The following CNOT10 variants were observed in gnomAD, a reference collection of about 807,000 sequenced individuals.
CNOT10 encodes the protein CCR4-NOT transcription complex, subunit 10.
CNOT10 carries 30 observed loss-of-function variants against 94.6 expected under a neutral mutation model. That is an observed-to-expected ratio of 0.32 (90% CI 0.24 to 0.43). The LOEUF (loss-of-function observed/expected upper bound fraction) is 0.43, where lower values mean the gene tolerates loss of function less well. CNOT10 is among the 20% of genes least tolerant of loss of function. The pLI, the probability that CNOT10 is intolerant of heterozygous loss-of-function variation, is 1.00. For missense variants in CNOT10, 759 were observed against 877.2 expected, an observed-to-expected ratio of 0.87 and a Z score of 1.70; for synonymous variants, 289 against 301.6, an observed-to-expected ratio of 0.96 and a Z score of 0.43.
At chr3:32,690,465 G>A (rs764946407) in intron 1 of CNOT10, among the ~76,000 whole-genome samples, 6 of 152,094 alleles carry the variant, frequency 3.9e-5, no homozygotes, top group Non-Finnish European at 5.9e-5. Flanking sequence ...GCTCACTGCA[G>A]CCATGAACTC....
At chr3:32,720,748 G>A (rs1033961255) in intron 8 of CNOT10, among the ~76,000 whole-genome samples, 6 of 151,982 alleles carry the variant, frequency 3.9e-5, no homozygotes, top group Non-Finnish European at 8.8e-5. Context: ...GTCTCCCAAA[G>A]TGCTGGGATT....
chr3:32,703,294 T>C (rs1472848182), intron 1 of CNOT10, among the ~76,000 whole-genome samples: 1 of 152,076 alleles, frequency 6.6e-6, no homozygotes, highest in Non-Finnish European at 1.5e-5. Context: ...AGATGAAAAC[T>C]AGGGACAAAT....
chr3:32,708,907 G>A (rs765981554), intron 4 of CNOT10, 87 bp downstream of exon 4: 55 of 1,079,484 alleles, frequency 5.1e-5, no homozygotes, highest in Non-Finnish European at 6.4e-5. Flanking sequence ...ACCTAAATCC[G>A]AGAAGTCCAT....
At position 32,773,784 on chromosome 3, in the gene CNOT10, A is replaced by G; in HGVS notation, c.*173A>G. On this transcript the variant is annotated 3_prime_UTR_variant, in exon 19 of 19. Coordinates refer to ENST00000328834, the MANE Select transcript of CNOT10 (RefSeq NM_015442.3). The stretch of plus-strand genomic sequence containing the variant: ...AAAATTAAGGATTTACTAAGTCATC[A>G]TCAGCTGTTTTTCTTAATTTCAGCC... 1.7e-6 allele frequency: 1 copy of G among 579,010 alleles called. No individual in the cohort carries two copies. Among genetic ancestry groups the G allele is most frequent in the Non-Finnish European group, 2.8e-6 (1 of 352,156 alleles). 35.9% of individuals were successfully genotyped at this position (579,010 alleles called of 1,614,324 possible). A position where few individuals can be genotyped will look rare whatever the true frequency, so the allele number is the denominator to read the frequency against.
rs752070412 is a variant in CNOT10, at chr3:32,757,831, G to T, written c.1596-1627G>T. On this transcript the variant is annotated intron_variant, in intron 13 of 18. Transcript: ENST00000328834. ...AGCCAGAAATATTGATAGTAGGCTT[G>T]CCAGGAAAATTCCTTTGAAAGTGGC... Among the ~76,000 whole-genome samples, 6 of 152,288 alleles carry T rather than the reference G, an allele frequency of 3.9e-5. No individual in the cohort carries two copies. The South Asian group carries it at 1.0e-3, about 26-fold the overall frequency.
At chr3:32,762,389 C>T (rs1226388283) in intron 14 of CNOT10, among the ~76,000 whole-genome samples, 1 of 151,980 alleles carries the variant, frequency 6.6e-6, no homozygotes, top group Non-Finnish European at 1.5e-5. Flanking sequence ...CCCACCTCAG[C>T]CTCCTGAGTA....
intron 13 of CNOT10, among the ~76,000 whole-genome samples, chr3:32,752,225 A>G (rs1699995784): frequency 6.6e-6 from 1 of 151,688 alleles, no homozygotes; most frequent in Admixed American, 6.6e-5. Context: ...GGAGGCAGAG[A>G]TTGTGGTGAG....
chr3:32,744,880 T>C (rs948740474), intron 13 of CNOT10, among the ~76,000 whole-genome samples: 13 of 152,122 alleles, frequency 8.5e-5, no homozygotes, highest in African/African-American at 3.1e-4. Context: ...TTTTATTTTA[T>C]TTTATTTATT....
chr3:32,704,957 C>A lies in CNOT10; in HGVS notation c.264C>A (p.Asn88Lys). ...CAGATAATTTGAGACAAACACTTAA[C>A]CAGCTGAAGAATCAGGTGATACATA... ...TTTDNLRQTL[N>K]QLKNQVHSAV... The change falls in exon 3 of 19, where the codon AAC (asparagine) becomes AAA (lysine). Residue 88 changes from asparagine to lysine, a missense_variant. Physicochemically the swap from Asn to Lys is moderately conservative, Grantham distance 94 (BLOSUM62 0). Around this residue, in one of 3 missense-constraint regions of CNOT10, gnomAD observed 682 missense variants for 799.4 expected, o/e 0.85. Coordinates refer to ENST00000328834, the MANE Select transcript of CNOT10 (RefSeq NM_015442.3). 2 of 1,534,844 alleles carry A rather than the reference C, an allele frequency of 1.3e-6. No homozygotes were observed. Among genetic ancestry groups the A allele is most frequent in the Non-Finnish European group, 8.7e-7 (1 of 1,153,068 alleles).
chr3:32,702,134 C>T (rs1301959305), intron 1 of CNOT10, among the ~76,000 whole-genome samples: 1 of 144,056 alleles, frequency 6.9e-6, no homozygotes, highest in Non-Finnish European at 1.5e-5. Context: ...CTCACTCTGT[C>T]GCCCAGGCTG....
intron 13 of CNOT10, among the ~76,000 whole-genome samples, chr3:32,745,122 G>A (rs1269762084): frequency 2.6e-5 from 4 of 151,880 alleles, no homozygotes; most frequent in Non-Finnish European, 5.9e-5. Context: ...CAAGCGATCC[G>A]CCCATCTTGG....
intron 13 of CNOT10, among the ~76,000 whole-genome samples, chr3:32,743,967 G>A (rs1699589867): frequency 6.6e-6 from 1 of 152,264 alleles, no homozygotes. Context: ...TTCTGGAGCA[G>A]ATGGGAGGGA....
chr3:32,697,028 G>A (rs1268539340), intron 1 of CNOT10, among the ~76,000 whole-genome samples: 4 of 151,164 alleles, frequency 2.6e-5, no homozygotes, highest in Non-Finnish European at 5.9e-5. Context: ...TCGGCTCACT[G>A]CAGCCTCTGC....
chr3:32,759,127 TA>T (rs1700331130), intron 13 of CNOT10, among the ~76,000 whole-genome samples: 1 of 71,634 alleles, frequency 1.4e-5, no homozygotes, highest in South Asian at 4.6e-4. Context: ...GCTATATATA[TA>T]TAGTGTGTGT....
intron 5 of CNOT10, chr3:32,715,993 G>A (rs2125539045): frequency 5.6e-6 from 2 of 356,816 alleles, no homozygotes; most frequent in Non-Finnish European, 1.0e-5. Flanking sequence ...TTTTTGTAGA[G>A]ATGCGATTTT....
intron 13 of CNOT10, among the ~76,000 whole-genome samples, chr3:32,743,705 A>C (rs1432897170): frequency 2.0e-5 from 3 of 152,170 alleles, no homozygotes; most frequent in Admixed American, 6.6e-5. Flanking sequence ...GTGTAATTTA[A>C]CTTTACCTTC....
intron 13 of CNOT10, among the ~76,000 whole-genome samples, chr3:32,756,338 A>G (rs1368716868): frequency 6.6e-6 from 1 of 152,174 alleles, no homozygotes; most frequent in Non-Finnish European, 1.5e-5. Flanking sequence ...TTGATTTAGA[A>G]TTTGAAGAAA....
intron 10 of CNOT10, among the ~76,000 whole-genome samples, chr3:32,732,082 AAAAT>A (rs1698983600): frequency 6.6e-6 from 1 of 151,740 alleles, no homozygotes; most frequent in South Asian, 2.1e-4. Context: ...CCATCTCAAA[AAAAT>A]AAATAAATAA....
rs200470162 is a variant in CNOT10 at position 32,704,129 on chromosome 3, T to C, written c.117+167T>C. Among the ~76,000 whole-genome samples, 22 of 152,348 alleles carry C rather than the reference T, an allele frequency of 1.4e-4. No homozygotes were observed. In the East Asian group the frequency reaches 4.2e-3, roughly 29 times the overall value. The stretch of plus-strand genomic sequence containing the variant: ...AAATAAATGTTTTAGAGTTTAAATA[T>C]GGTGAAAGGAATGGGAATAATTGGA... On this transcript the variant is annotated intron_variant, in intron 2 of 18. Transcript: ENST00000328834.
Sources: gnomAD v4.1 joint callset for allele counts (sites outside exome capture counted in the v4.1 genomes callset) on GRCh38, gnomAD v4.1.1 for gene constraint, gnomAD v4.1.1 regional missense constraint, MANE v1.5 for transcripts, NCBI Gene and HGNC (gene_info 2026-07-23, HGNC 2026-07-21) for gene names.